Variants in PTPN2 observed in about 807,000 individuals in gnomAD.
The protein encoded by PTPN2 is protein tyrosine phosphatase non-receptor type 2, also known as tyrosine-protein phosphatase non-receptor type 2.
A neutral mutation model predicts 57.3 loss-of-function variants in PTPN2; 19 were observed. The ratio of observed to expected loss-of-function variants is 0.33; its 90% confidence interval spans 0.23 to 0.49. The LOEUF (loss-of-function observed/expected upper bound fraction) is 0.49. PTPN2 is among the 20% of genes least tolerant of loss of function. PTPN2 has a pLI of 0.99. For missense variants in PTPN2, 358 were observed against 501.1 expected, an observed-to-expected ratio of 0.71 and a Z score of 2.73; for synonymous variants, 153 against 164.9, an observed-to-expected ratio of 0.93 and a Z score of 0.55.
At chr18:12,882,937 G>A (rs1411408133) in intron 1 of PTPN2, among the ~76,000 whole-genome samples, 1 of 152,082 alleles carries the variant, frequency 6.6e-6, no homozygotes, top group African/African-American at 2.4e-5. Context: ...GGAATAATAC[G>A]ACAAGGATTA....
rs568445868 is a variant in PTPN2 at position 12,854,306 on chromosome 18, G to GCCGAGACGGTGCCACTGCA, written c.160+4839_160+4857dup. 4.0e-3 allele frequency among the ~76,000 whole-genome samples: 599 copies of GCCGAGACGGTGCCACTGCA among 148,948 alleles called. 3 individuals carry two copies. Among genetic ancestry groups the GCCGAGACGGTGCCACTGCA allele is most frequent in the African/African-American group, 0.014 (568 of 40,388 alleles). On this transcript the variant is annotated intron_variant, in intron 2 of 8. Transcript: ENST00000309660. ...GCCTGGGAGGCGGAGGTTGCAGTGA[G>GCCGAGACGGTGCCACTGCA]CCGAGACGGTGCCACTGCACTCCAG...
downstream of PTPN2, among the ~76,000 whole-genome samples, chr18:12,789,773 T>C (rs2040932747): frequency 6.6e-6 from 1 of 152,254 alleles, no homozygotes; most frequent in Non-Finnish European, 1.5e-5. Context: ...ATTTGGCTTA[T>C]AATAGACTAC....
chr18:12,868,656 G>C (rs113176726), intron 1 of PTPN2, among the ~76,000 whole-genome samples: 1 of 150,828 alleles, frequency 6.6e-6, no homozygotes, highest in Non-Finnish European at 1.5e-5. Context: ...ACTTCAGGCC[G>C]GGCGTGGTGG....
intron 2 of PTPN2, among the ~76,000 whole-genome samples, chr18:12,855,936 C>T (rs1568151730): frequency 6.6e-6 from 1 of 152,172 alleles, no homozygotes; most frequent in Admixed American, 6.5e-5. Flanking sequence ...TTTCCAACTT[C>T]ACAATACATG....
chr18:12,834,856 T>C (rs1034519752), intron 3 of PTPN2, among the ~76,000 whole-genome samples: 6 of 152,058 alleles, frequency 3.9e-5, no homozygotes, highest in Non-Finnish European at 7.4e-5. Flanking sequence ...TCTAGGGTGG[T>C]AATTCTTCTC....
intron 7 of PTPN2, among the ~76,000 whole-genome samples, chr18:12,802,690 C>G (rs2041475855): frequency 1.3e-5 from 2 of 152,068 alleles, no homozygotes; most frequent in African/African-American, 4.8e-5. Flanking sequence ...CCTGTACACG[C>G]CAAGAAAGAA....
intron 1 of PTPN2, among the ~76,000 whole-genome samples, chr18:12,871,962 C>T (rs768617658): frequency 6.6e-6 from 1 of 151,722 alleles, no homozygotes; most frequent in Non-Finnish European, 1.5e-5. Flanking sequence ...GCAGGAGAAT[C>T]GCTTGAACTC....
chr18:12,802,160 GGAAGA>G lies in PTPN2; in HGVS notation c.859-14_859-10del. ...AGTTCTTTCCATCGTTTCTAGGTAG[GGAAGA>G]GAAATGAAAAACAAATGCAAACATT... On this transcript the variant is annotated splice_polypyrimidine_tract_variant and intron_variant, in intron 7 of 8. Coordinates refer to ENST00000309660, the MANE Select transcript of PTPN2 (RefSeq NM_002828.4). 1 of 1,563,388 alleles carries G rather than the reference GGAAGA, an allele frequency of 6.4e-7. No homozygotes were observed.
At chr18:12,850,033 T>A (rs75382754) in intron 2 of PTPN2, among the ~76,000 whole-genome samples, 2,194 of 152,280 alleles carry the variant, frequency 0.014, 71 homozygotes, top group African/African-American at 0.051. Flanking sequence ...ACAGAGTTGA[T>A]CAGTCTTACC....
intron 1 of PTPN2, among the ~76,000 whole-genome samples, chr18:12,872,707 CAT>C (rs139799263): frequency 0.035 from 5,329 of 152,296 alleles, 330 homozygotes; most frequent in African/African-American, 0.12. Flanking sequence ...CATTTCCTCT[CAT>C]AAACATGTTT....
chr18:12,870,310 CATATATATGTGTATATATATGTAT>C (rs2044160714), intron 1 of PTPN2, among the ~76,000 whole-genome samples: 1 of 57,530 alleles, frequency 1.7e-5, no homozygotes, highest in Non-Finnish European at 3.0e-5. Flanking sequence ...TGTATATATA[CATATATATGTGTATATATATGTAT>C]ATATATACAT....
chr18:12,833,553 G>A (rs2042743025), intron 3 of PTPN2, among the ~76,000 whole-genome samples: 1 of 152,124 alleles, frequency 6.6e-6, no homozygotes, highest in Non-Finnish European at 1.5e-5. Context: ...CAGAAGAATG[G>A]GAGGGAGTTA....
intron 5 of PTPN2, among the ~76,000 whole-genome samples, chr18:12,819,527 G>A (rs2042199457): frequency 6.6e-6 from 1 of 152,018 alleles, no homozygotes; most frequent in Admixed American, 6.6e-5. Context: ...AAGAACATCT[G>A]GGGCAGGGGA....
At chr18:12,789,889 T>C (rs181472224), downstream of PTPN2, among the ~76,000 whole-genome samples, 54 of 151,848 alleles carry the variant, frequency 3.6e-4, no homozygotes, top group Non-Finnish European at 6.3e-4. Context: ...TATATATATA[T>C]GTATGTATAT....
chr18:12,860,042 G>A (rs550269619), intron 1 of PTPN2, among the ~76,000 whole-genome samples: 9 of 151,686 alleles, frequency 5.9e-5, no homozygotes, highest in South Asian at 2.1e-4. Context: ...TAATACCAGC[G>A]CTTTGGGAGG....
intron 5 of PTPN2, among the ~76,000 whole-genome samples, chr18:12,824,283 C>G (rs2042371347): frequency 6.6e-6 from 1 of 152,132 alleles, no homozygotes; most frequent in Admixed American, 6.5e-5. Context: ...GTATAATAAG[C>G]TTAGTACGGA....
chr18:12,867,245 GGA>G (rs766200209), intron 1 of PTPN2, among the ~76,000 whole-genome samples: 1 of 152,058 alleles, frequency 6.6e-6, no homozygotes, highest in Non-Finnish European at 1.5e-5. Flanking sequence ...CTTGAGCCCA[GGA>G]GGTCAAGGCT....
intron 3 of PTPN2, among the ~76,000 whole-genome samples, chr18:12,833,353 G>C (rs1052012379): frequency 2.4e-4 from 36 of 152,308 alleles, no homozygotes; most frequent in African/African-American, 7.9e-4. Flanking sequence ...CCAAGAGCTA[G>C]ACTGAGATGC....
intron 1 of PTPN2, among the ~76,000 whole-genome samples, chr18:12,871,083 A>G (rs922224110): frequency 1.3e-5 from 2 of 152,102 alleles, no homozygotes; most frequent in African/African-American, 2.4e-5. Context: ...CACAAAACAG[A>G]TATTAGCATA....
Sources: allele counts gnomAD v4.1 joint callset (sites outside exome capture counted in the v4.1 genomes callset), GRCh38; gene constraint gnomAD v4.1.1; transcripts MANE v1.5; gene names NCBI Gene and HGNC (gene_info 2026-07-23, HGNC 2026-07-21).